The following SOX6 variants were observed in gnomAD, a reference collection of about 807,000 sequenced individuals.
SOX6 encodes the protein SRY-box transcription factor 6.
SOX6 carries 11 observed loss-of-function variants against 97.8 expected under a neutral mutation model. The observed-to-expected ratio is 0.11, with a 90% confidence interval of 0.07 to 0.19. The LOEUF (loss-of-function observed/expected upper bound fraction) is 0.19. SOX6 is among the 10% of genes least tolerant of loss of function. The probability of loss-of-function intolerance (pLI) is 1.00; values close to 1 mark genes in which losing one functional copy is unlikely to be tolerated. For missense variants in SOX6, 810 were observed against 1,039.5 expected (o/e 0.78, Z 3.04); for synonymous variants, 360 against 371.4 (o/e 0.97, Z 0.35).
intron 3 of SOX6, among the ~76,000 whole-genome samples, chr11:16,310,370 T>C (rs1323785973): frequency 3.9e-5 from 6 of 152,098 alleles, no homozygotes; most frequent in Non-Finnish European, 8.8e-5. Flanking sequence ...CATAATTCTT[T>C]TCATAATTCA....
At chr11:16,195,973 TA>T (rs1330514337) in intron 4 of SOX6, among the ~76,000 whole-genome samples, 1 of 152,154 alleles carries the variant, frequency 6.6e-6, no homozygotes, top group African/African-American at 2.4e-5. Context: ...ACCTCCCAGA[TA>T]CAACTAAGGC....
chr11:16,258,269 C>A (rs1298002289), intron 3 of SOX6, among the ~76,000 whole-genome samples: 1 of 151,994 alleles, frequency 6.6e-6, no homozygotes, highest in Non-Finnish European at 1.5e-5. Flanking sequence ...ATGTTTATAG[C>A]AGCTTCATTC....
At position 16,613,885 on chromosome 11, in the gene SOX6, C is replaced by CA. The variant is rs1848433627; in HGVS notation, n.430-1626dup. Among the ~76,000 whole-genome samples, 1 of 152,136 alleles carries CA rather than the reference C, an allele frequency of 6.6e-6. No homozygotes were observed. The highest frequency in any genetic ancestry group is 2.4e-5 in the African/African-American group (1 of 41,448). Reference sequence around the variant, plus strand: ...GGGCTGTAGAGACGAACCCAGCTGACACTGGCCCAGCAGCCTTGGCGACCT... The same window carrying CA: ...GGGCTGTAGAGACGAACCCAGCTGACAACTGGCCCAGCAGCCTTGGCGACCT... On this transcript the variant is annotated intron_variant and non_coding_transcript_variant, in intron 3 of 5. Coordinates refer to the SOX6 transcript ENST00000524520. This position sits in a 1 kb window ranked among gnomAD's most constrained non-coding sequence, Gnocchi z 4.6.
At chr11:16,547,609 C>G (rs147055919) in intron 4 of SOX6, among the ~76,000 whole-genome samples, 42 of 151,870 alleles carry the variant, frequency 2.8e-4, no homozygotes, top group South Asian at 6.2e-4. Flanking sequence ...ATGAGAATGT[C>G]GACAAGAGAT....
chr11:16,222,297 T>C (rs1183485588), intron 4 of SOX6, among the ~76,000 whole-genome samples: 1 of 152,132 alleles, frequency 6.6e-6, no homozygotes, highest in Non-Finnish European at 1.5e-5. Context: ...ACTGTAGCCC[T>C]GAACCCCTGG....
At chr11:16,657,264 A>G (rs372043084) in intron 3 of SOX6, among the ~76,000 whole-genome samples, 6 of 152,170 alleles carry the variant, frequency 3.9e-5, no homozygotes, top group African/African-American at 1.4e-4. Context: ...AGTTTCCTCC[A>G]TATATTTTTA....
At chr11:16,127,849 C>T (rs1849645371) in intron 6 of SOX6, among the ~76,000 whole-genome samples, 1 of 152,130 alleles carries the variant, frequency 6.6e-6, no homozygotes, top group South Asian at 2.1e-4. Context: ...GATGTCTAGA[C>T]CCCACATCAT....
At chr11:16,151,394 C>T (rs1170135710) in intron 6 of SOX6, among the ~76,000 whole-genome samples, 3 of 152,128 alleles carry the variant, frequency 2.0e-5, no homozygotes, top group African/African-American at 7.2e-5. Flanking sequence ...TCACTATTTA[C>T]ATTTGGACAC....
chr11:16,452,809 G>C (rs1359038701), intron 1 of SOX6, among the ~76,000 whole-genome samples: 2 of 152,110 alleles, frequency 1.3e-5, no homozygotes, highest in Non-Finnish European at 2.9e-5. Flanking sequence ...TGAAGAAAGG[G>C]AAGAAGCCCA....
chr11:16,054,877 T>C (rs1847775554), intron 10 of SOX6, among the ~76,000 whole-genome samples: 1 of 152,194 alleles, frequency 6.6e-6, no homozygotes, highest in South Asian at 2.1e-4. Flanking sequence ...GTACCACCTA[T>C]AGGTACCAGC....
intron 1 of SOX6, among the ~76,000 whole-genome samples, chr11:16,407,505 C>G (rs1231076629): frequency 1.3e-5 from 2 of 152,122 alleles, no homozygotes; most frequent in African/African-American, 4.8e-5. Flanking sequence ...CTAACAGAGT[C>G]CCTACATGTA....
intron 1 of SOX6, among the ~76,000 whole-genome samples, chr11:16,361,696 A>G (rs1857215755): frequency 6.6e-6 from 1 of 152,226 alleles, no homozygotes; most frequent in Admixed American, 6.5e-5. Context: ...CTCTGCACTG[A>G]CACACAACAG....
At chr11:16,469,395 G>C (rs1275520149) in intron 1 of SOX6, among the ~76,000 whole-genome samples, 1 of 152,068 alleles carries the variant, frequency 6.6e-6, no homozygotes, top group Non-Finnish European at 1.5e-5. Flanking sequence ...GCAAAAAAGA[G>C]ATGTAAGGTC....
At chr11:15,990,110 T>C (rs1854000226) in intron 13 of SOX6, among the ~76,000 whole-genome samples, 2 of 152,068 alleles carry the variant, frequency 1.3e-5, no homozygotes, top group African/African-American at 4.8e-5. Context: ...GTCCTCTTGC[T>C]TTCAGGAGAC....
intron 3 of SOX6, among the ~76,000 whole-genome samples, chr11:16,291,502 G>GT (rs1398672526): frequency 6.6e-6 from 1 of 151,854 alleles, no homozygotes; most frequent in East Asian, 1.9e-4. Flanking sequence ...TGTTGTTGTT[G>GT]TTTTGTGTGT....
chr11:16,047,710 G>A (rs1430836874), intron 11 of SOX6, among the ~76,000 whole-genome samples: 6 of 135,488 alleles, frequency 4.4e-5, no homozygotes, highest in African/African-American at 1.1e-4. Flanking sequence ...GCGTGTGTGT[G>A]TGTGTGTGTG....
chr11:16,010,265 G>C lies in SOX6; in HGVS notation c.1732+4677C>G, dbSNP rs566742739. Among the ~76,000 whole-genome samples, 6 of 152,018 alleles carry C rather than the reference G, an allele frequency of 3.9e-5. No individual in the cohort carries two copies. In the East Asian group the frequency reaches 7.8e-4, roughly 20 times the overall value. On this transcript the variant is annotated intron_variant, in intron 13 of 15. Coordinates refer to ENST00000683767, the MANE Select transcript of SOX6 (RefSeq NM_001367873.1). The stretch of plus-strand genomic sequence containing the variant: ...ATAAAATGCTTCTGAAGAAATGTGA[G>C]AGCAATAGTCCCAAAAGAGGGTATT...
At chr11:16,323,607 T>C (rs1855987220) in intron 2 of SOX6, among the ~76,000 whole-genome samples, 1 of 152,184 alleles carries the variant, frequency 6.6e-6, no homozygotes, top group South Asian at 2.1e-4. Flanking sequence ...TCAAACTGCA[T>C]TTCATCCTTG....
chr11:16,656,114 A>C (rs150227462), intron 3 of SOX6, among the ~76,000 whole-genome samples: 8 of 152,010 alleles, frequency 5.3e-5, no homozygotes, highest in African/African-American at 9.6e-5. Flanking sequence ...GAGTCTTGCT[A>C]TGTCACCAGG....
Sources: gnomAD v4.1 joint callset for allele counts (sites outside exome capture counted in the v4.1 genomes callset) on GRCh38, gnomAD v4.1.1 for gene constraint, Gnocchi (gnomAD v3.1) non-coding constraint, MANE v1.5 for transcripts, NCBI Gene and HGNC (gene_info 2026-07-23, HGNC 2026-07-21) for gene names.